Variants in NHSL2 observed in about 807,000 individuals in gnomAD.
NHSL2 encodes NHS like 2.
A neutral mutation model predicts 53.4 loss-of-function variants in NHSL2; 27 were observed. The observed-to-expected ratio is 0.51, with a 90% CI of 0.37 to 0.70. The LOEUF (loss-of-function observed/expected upper bound fraction) is 0.70. NHSL2 is among the 30% of genes least tolerant of loss of function. The pLI is 0.00. For synonymous variants in NHSL2, 408 were observed against 404.1 expected (o/e 1.01, Z -0.12); for missense variants, 892 against 980.1 (o/e 0.91, Z 1.20).
At chrX:72,073,135 A>G (rs1163747378) in intron 1 of NHSL2, among the ~76,000 whole-genome samples, 1 of 112,093 alleles carries the variant, frequency 8.9e-6, no homozygotes, top group Non-Finnish European at 1.9e-5. Flanking sequence ...GAGGGAGGAA[A>G]CTTTTCCCAG....
chrX:72,119,214 C>T (rs1487418292), intron 1 of NHSL2, among the ~76,000 whole-genome samples: 2 of 111,570 alleles, frequency 1.8e-5, no homozygotes, highest in African/African-American at 3.3e-5. Context: ...ATTGTGAGTC[C>T]TCCAACTCTG....
In NHSL2 at chrX:72,085,716, T is replaced by G. The variant is rs867718152; in HGVS notation, c.281-46363T>G. Among the ~76,000 whole-genome samples, 256 of 29,776 alleles carry G rather than the reference T, an allele frequency of 8.6e-3. 2 individuals carry two copies. The highest frequency in any genetic ancestry group is 0.051 in the Middle Eastern group (2 of 39). The allele number at this position is 29,776 out of a possible 115,157, so 25.9% of individuals were successfully genotyped here. ...GGAGAAATTCTTTGTTTTTTTTTTG[T>G]TTTTTTTTTTTGTGGGGGGGTATAG... On this transcript the variant is annotated intron_variant, in intron 1 of 7. Transcript: ENST00000633930.
chrX:72,138,728 G>C lies in NHSL2; in HGVS notation c.1180G>C (p.Gly394Arg). 8.3e-7 allele frequency: 1 copy of C among 1,208,900 alleles called. No homozygotes were observed. The highest frequency in any genetic ancestry group is 1.1e-6 in the Non-Finnish European group (1 of 893,821). The change falls in exon 6 of 8, where the codon GGA becomes CGA. Residue 394 changes from glycine to arginine, a missense_variant. Coordinates refer to ENST00000633930, the MANE Select transcript of NHSL2 (RefSeq NM_001013627.3). ...TESTFSTSWKGDAFTYMTPSA... is the reference protein window; with the variant it reads ...TESTFSTSWKRDAFTYMTPSA... ...ATCAACCTTCTCCACTTCCTGGAAG[G>C]GAGATGCTTTTACCTACATGACTCC... is the stretch of plus-strand genomic sequence containing the variant.
chrX:72,049,400 G>A (rs116321821), intron 1 of NHSL2, among the ~76,000 whole-genome samples: 2,863 of 111,070 alleles, frequency 0.026, 96 homozygotes, highest in African/African-American at 0.09. Flanking sequence ...TTATCCTGGG[G>A]CCACTTTTTC....
chrX:71,923,506 C>T (rs2041669980), intron 1 of NHSL2, among the ~76,000 whole-genome samples: 1 of 112,242 alleles, frequency 8.9e-6, no homozygotes, highest in South Asian at 3.7e-4. Context: ...ACTTGCCCAA[C>T]AGTATAAGTG....
chrX:71,978,902 C>A (rs1383137318), intron 1 of NHSL2, among the ~76,000 whole-genome samples: 1 of 91,495 alleles, frequency 1.1e-5, no homozygotes, highest in African/African-American at 4.0e-5. Flanking sequence ...CTAATGCTAT[C>A]CCTCCACCCT....
chrX:71,918,401 G>GT (rs760626801), intron 1 of NHSL2, among the ~76,000 whole-genome samples: 1 of 108,370 alleles, frequency 9.2e-6, no homozygotes, highest in Non-Finnish European at 1.9e-5. Flanking sequence ...GAGGAGATGA[G>GT]TTTTTAAAAA....
At position 72,143,275 on chromosome X, in the gene NHSL2, TG is replaced by T; in HGVS notation, c.3381del (p.Trp1127Ter). 1 of 1,159,562 alleles carries T rather than the reference TG, an allele frequency of 8.6e-7. No homozygotes were observed. Among genetic ancestry groups the T allele is most frequent in the East Asian group, 3.3e-5 (1 of 30,685 alleles). ...IHRSKRKLLGWKEPGEAFVGG... is the reference protein window; with the variant it reads ...IHRSKRKLLGXKEPGEAFVGG... ...TAGGTCCAAAAGGAAGCTGCTCGGC[TG>T]GAAGGAACCTGGTGAGGCCTTTGTG... On this transcript the variant is annotated frameshift_variant, in exon 8 of 8. Coordinates refer to ENST00000633930, the MANE Select transcript of NHSL2 (RefSeq NM_001013627.3). LOFTEE classifies it high-confidence loss of function.
At chrX:72,014,103 A>G (rs1430636730) in intron 1 of NHSL2, among the ~76,000 whole-genome samples, 1 of 112,036 alleles carries the variant, frequency 8.9e-6, no homozygotes, top group Non-Finnish European at 1.9e-5. Context: ...AGCATGTAGC[A>G]TTGTTCATAG....
rs762981275 is a variant in NHSL2 at position 72,140,409 on chromosome X, G to T, written c.2861G>T (p.Ser954Ile). ...PSSLVFTPFASSSDAFFSGTQ... is the reference protein window; with the variant it reads ...PSSLVFTPFAISSDAFFSGTQ... ...TCTCTTGTTTTCACGCCTTTTGCCA[G>T]TTCCTCTGATGCTTTCTTCTCAGGA... Residue 954 changes from serine to isoleucine, a missense_variant, in exon 6 of 8, where the codon AGT becomes ATT. Ser to Ile is a moderately radical substitution (Grantham distance 142). Coordinates refer to ENST00000633930, the MANE Select transcript of NHSL2 (RefSeq NM_001013627.3). 8.3e-7 allele frequency: 1 copy of T among 1,210,239 alleles called. No individual in the cohort carries two copies. Among genetic ancestry groups the T allele is most frequent in the Admixed American group, 2.2e-5 (1 of 45,908 alleles).
In NHSL2 at chrX:72,144,586, G is replaced by A. The variant is rs752605660; in HGVS notation, c.*1012G>A. ...CAGTCAATTCAGATCGTGGTTTGTG[G>A]TTGGTTTGGTTTTGTTTAAAGGAAG... is the stretch of plus-strand genomic sequence containing the variant. On this transcript the variant is annotated 3_prime_UTR_variant, in exon 8 of 8. Coordinates refer to ENST00000633930, the MANE Select transcript of NHSL2 (RefSeq NM_001013627.3). 6.0e-6 allele frequency: 6 copies of A among 1,003,645 alleles called. No individual in the cohort carries two copies. The East Asian group carries it at 2.5e-4, about 41-fold the overall frequency. The allele number at this position is 1,003,645 out of a possible 1,213,427, so 82.7% of individuals were successfully genotyped here. A position where few individuals can be genotyped will look rare whatever the true frequency, so the allele number is the denominator to read the frequency against.
chrX:72,144,504 G>T lies in NHSL2; in HGVS notation c.*930G>T, dbSNP rs142643963. The T allele has an allele frequency of 4.4e-3, 4,420 of 1,015,084 alleles. 139 individuals are homozygous for T. In the African/African-American group the frequency reaches 0.08, roughly 18 times the overall value. The allele number at this position is 1,015,084 out of a possible 1,213,427, so 83.7% of individuals were successfully genotyped here. A position where few individuals can be genotyped will look rare whatever the true frequency, so the allele number is the denominator to read the frequency against. ...CATTACAGGAAGTAATTAACTGAAGGAACAGCATCATCAAAGGCTCAAGGA... is the reference window on the plus strand; with the variant it reads ...CATTACAGGAAGTAATTAACTGAAGTAACAGCATCATCAAAGGCTCAAGGA... On this transcript the variant is annotated 3_prime_UTR_variant, in exon 8 of 8. Transcript: ENST00000633930.
At chrX:71,981,527 A>T (rs1160232093) in intron 1 of NHSL2, among the ~76,000 whole-genome samples, 1 of 63,558 alleles carries the variant, frequency 1.6e-5, no homozygotes. Flanking sequence ...ACAGAGCAAG[A>T]CTCTGTCTCA....
At chrX:72,136,687 C>T (rs2042358353) in intron 4 of NHSL2, among the ~76,000 whole-genome samples, 1 of 112,164 alleles carries the variant, frequency 8.9e-6, no homozygotes. Context: ...AGTCCCAGTC[C>T]GCTGCTCTAC....
chrX:71,953,340 A>G (rs945034615), intron 1 of NHSL2, among the ~76,000 whole-genome samples: 1 of 112,337 alleles, frequency 8.9e-6, no homozygotes, highest in Admixed American at 9.4e-5. Context: ...TGGGACACGA[A>G]TTAGTATTAT....
intron 1 of NHSL2, among the ~76,000 whole-genome samples, chrX:71,993,378 G>A (rs189733198): frequency 4.5e-5 from 5 of 112,167 alleles, no homozygotes; most frequent in Non-Finnish European, 9.4e-5. Flanking sequence ...GCCATGGAGG[G>A]GATTCTGGGG....
In NHSL2 at chrX:72,050,645, G is replaced by A. The variant is rs1602332428; in HGVS notation, c.281-81434G>A. 2.7e-5 allele frequency among the ~76,000 whole-genome samples: 3 copies of A among 111,414 alleles called. No homozygotes were observed. In the Middle Eastern group the frequency reaches 0.014, roughly 509 times the overall value. ...CTGGTGGCTCATGCCTATAATCCCA[G>A]CACTTTGGGAGCCTGAGGTGAGTGG... On this transcript the variant is annotated intron_variant, in intron 1 of 7. Coordinates refer to ENST00000633930, the MANE Select transcript of NHSL2 (RefSeq NM_001013627.3).
At chrX:72,082,308 C>T (rs1171053611) in intron 1 of NHSL2, among the ~76,000 whole-genome samples, 1 of 111,319 alleles carries the variant, frequency 9.0e-6, no homozygotes, top group Non-Finnish European at 1.9e-5. Context: ...AAGTAATGTA[C>T]CAGGCCTGTG....
At chrX:72,063,598 C>G (rs2042411324) in intron 1 of NHSL2, among the ~76,000 whole-genome samples, 1 of 111,529 alleles carries the variant, frequency 9.0e-6, no homozygotes, top group Non-Finnish European at 1.9e-5. Context: ...TCACAGATAC[C>G]AAATTATTTT....
Sources: allele counts gnomAD v4.1 joint callset (sites outside exome capture counted in the v4.1 genomes callset), GRCh38; gene constraint gnomAD v4.1.1; transcripts MANE v1.5; gene names NCBI Gene and HGNC (gene_info 2026-07-23, HGNC 2026-07-21).